Variants in MCF2L observed in about 807,000 individuals in gnomAD.
The protein encoded by MCF2L is MCF.2 cell line derived transforming sequence like, also known as guanine nucleotide exchange factor DBS.
MCF2L carries 97 observed loss-of-function variants against 153.4 expected under a neutral mutation model. That is an observed-to-expected ratio of 0.63 (90% CI 0.54 to 0.75). The LOEUF (loss-of-function observed/expected upper bound fraction) is 0.75, where lower values mean the gene tolerates loss of function less well. MCF2L is among the 30% of genes least tolerant of loss of function. MCF2L has a pLI of 0.00. For synonymous variants in MCF2L, 659 were observed against 632.2 expected (o/e 1.04, Z -0.64); for missense variants, 1,347 against 1,495.2 (o/e 0.90, Z 1.64).
intron 20 of MCF2L, among the ~76,000 whole-genome samples, chr13:113,085,656 G>T (rs201653183): frequency 1.3e-5 from 2 of 150,000 alleles, no homozygotes; most frequent in African/African-American, 2.4e-5. Context: ...TGGCATCAGG[G>T]TGGCAGGAGG....
intron 2 of MCF2L, among the ~76,000 whole-genome samples, chr13:112,913,488 G>A (rs1390675792): frequency 6.6e-6 from 1 of 152,178 alleles, no homozygotes; most frequent in Non-Finnish European, 1.5e-5. Context: ...TCTTCTCGGG[G>A]ACAAATGTGA....
intron 1 of MCF2L, among the ~76,000 whole-genome samples, chr13:112,896,567 A>G (rs1390848521): frequency 6.6e-6 from 1 of 151,892 alleles, no homozygotes; most frequent in Non-Finnish European, 1.5e-5. Flanking sequence ...ACTGGCCAGG[A>G]ACGCCACCGG....
chr13:113,076,059 G>A lies in MCF2L; in HGVS notation c.1402G>A (p.Glu468Lys). The A allele has an allele frequency of 6.2e-7, 1 of 1,614,082 alleles. No individual in the cohort carries two copies. The highest frequency in any genetic ancestry group is 8.5e-7 in the Non-Finnish European group (1 of 1,180,010). Reference sequence around the variant, plus strand: ...GGACGGCGCGGAGGCTGCCCTCCAGGAAATCGAGAAGTTTTTGGAGACCGG... The same window carrying A: ...GGACGGCGCGGAGGCTGCCCTCCAGAAAATCGAGAAGTTTTTGGAGACCGG... ...SQDGAEAALQEIEKFLETGAE... is the reference protein window; with the variant it reads ...SQDGAEAALQKIEKFLETGAE... The change falls in exon 12 of 30, where the codon GAA becomes AAA. Residue 468 changes from glutamate (E) to lysine (K), a missense_variant. Coordinates refer to ENST00000535094, the MANE Select transcript of MCF2L (RefSeq NM_001112732.3).
At chr13:113,063,087 A>G (rs976007306) in intron 5 of MCF2L, among the ~76,000 whole-genome samples, 5 of 152,236 alleles carry the variant, frequency 3.3e-5, no homozygotes, top group Non-Finnish European at 7.3e-5. Context: ...GTCCTTGGCC[A>G]TCACAGGCCG....
At position 113,096,392 on chromosome 13, in the gene MCF2L, G is replaced by A. The variant is rs367714228; in HGVS notation, c.3097G>A (p.Val1033Met). The A allele has an allele frequency of 3.0e-4, 474 of 1,587,454 alleles. 1 individual carries two copies. Among genetic ancestry groups the A allele is most frequent in the Non-Finnish European group, 3.6e-4 (426 of 1,168,174 alleles). The change falls in exon 28 of 30, where the codon GTG becomes ATG. Residue 1033 changes from valine to methionine, a missense_variant. Coordinates refer to ENST00000535094, the MANE Select transcript of MCF2L (RefSeq NM_001112732.3). Reference sequence around the variant, plus strand: ...CCAGGTTCCAGGTAAATACACGGTCGTGGCGGACCACGAGAAGGGAGGCCC... The same window carrying A: ...CCAGGTTCCAGGTAAATACACGGTCATGGCGGACCACGAGAAGGGAGGCCC... ...KKLVPGKYTV[V>M]ADHEKGGPDA...
Position 113,086,118 on chromosome 13 carries a change from C to T in MCF2L, c.2248-6C>T. The T allele has an allele frequency of 6.2e-7, 1 of 1,604,728 alleles. No individual in the cohort carries two copies. The highest frequency in any genetic ancestry group is 8.5e-7 in the Non-Finnish European group (1 of 1,175,662). ...CGACGCGGTTGCCTCACCCCATGCC[C>T]CTCAGGAAATGCTGAAATACAGCAG... On this transcript the variant is annotated splice_region_variant and splice_polypyrimidine_tract_variant and intron_variant, in intron 20 of 29. Transcript: ENST00000535094.
intron 1 of MCF2L, among the ~76,000 whole-genome samples, chr13:112,981,328 G>A (rs998056522): frequency 1.3e-5 from 2 of 152,198 alleles, no homozygotes; most frequent in Non-Finnish European, 2.9e-5. Flanking sequence ...ACTTGTCCCT[G>A]TAACTCTCAC....
intron 1 of MCF2L, among the ~76,000 whole-genome samples, chr13:112,986,631 C>T (rs1011324058): frequency 3.9e-5 from 6 of 152,236 alleles, no homozygotes; most frequent in Non-Finnish European, 7.3e-5. Flanking sequence ...GCAAGAGCCA[C>T]GCAAACCTCT....
intron 1 of MCF2L, among the ~76,000 whole-genome samples, chr13:112,896,465 T>TCCCC (rs771438632): frequency 1.3e-5 from 2 of 151,516 alleles, no homozygotes; most frequent in African/African-American, 4.9e-5. Flanking sequence ...AGGCCCCCCC[T>TCCCC]GTCTTTACAG....
intron 7 of MCF2L, 147 bp downstream of exon 7, chr13:113,065,232 T>C: frequency 1.1e-6 from 1 of 897,604 alleles, no homozygotes; most frequent in Non-Finnish European, 1.7e-6. Context: ...TCAGCAGGCT[T>C]GAGATGCCTT....
rs778754914 is a variant in MCF2L, at chr13:112,902,235, G to A, written c.33G>A (p.Lys11=). Reference sequence around the variant, plus strand: ...ACTGTTGGAGATTTATCCTGTGCAAGAGACCTGGAAGCAACAGTTATTCTT... The same window carrying A: ...ACTGTTGGAGATTTATCCTGTGCAAAAGACCTGGAAGCAACAGTTATTCTT... The change falls in exon 2 of 30, where the codon AAG becomes AAA. Residue 11 remains lysine, a synonymous_variant. Coordinates refer to the MCF2L transcript ENST00000375608. The A allele has an allele frequency of 1.3e-4, 208 of 1,612,738 alleles. 1 individual carries two copies. Among genetic ancestry groups the A allele is most frequent in the Non-Finnish European group, 1.6e-4 (191 of 1,179,898 alleles).
chr13:113,088,242 C>T (rs746225784), intron 23 of MCF2L, 85 bp from the exon 24 acceptor site: 167 of 1,169,378 alleles, frequency 1.4e-4, no homozygotes, highest in Non-Finnish European at 1.5e-4. Flanking sequence ...CTAAGATTAT[C>T]TTTGGATGTT....
chr13:112,995,850 G>T (rs546191011), intron 1 of MCF2L, among the ~76,000 whole-genome samples: 12 of 152,288 alleles, frequency 7.9e-5, no homozygotes, highest in African/African-American at 2.9e-4. Context: ...CCGGAAGTCC[G>T]TTCAGTCCTG....
Position 113,096,654 on chromosome 13 carries a change from GTA to G in MCF2L, c.3292+2_3292+3del. ...TCGGCCCAGTGCCTGAGCAGCTCAG[GTA>G]AGGCCCACGTGCCCCGAGCCCACCC... is the stretch of plus-strand genomic sequence containing the variant. On this transcript the variant is annotated splice_donor_variant and splice_donor_region_variant and intron_variant, in intron 29 of 29. Coordinates refer to ENST00000535094, the MANE Select transcript of MCF2L (RefSeq NM_001112732.3). LOFTEE classifies it high-confidence loss of function. 6.3e-7 allele frequency: 1 copy of G among 1,584,786 alleles called. No individual in the cohort carries two copies. Among genetic ancestry groups the G allele is most frequent in the Non-Finnish European group, 8.5e-7 (1 of 1,172,230 alleles).
At chr13:113,086,353 T>C in intron 21 of MCF2L, 104 bp downstream of exon 21, 1 of 1,515,898 alleles carries the variant, frequency 6.6e-7, no homozygotes, top group East Asian at 2.4e-5. Context: ...GGTGTGAATG[T>C]GCAGGTTCTG....
In MCF2L at chr13:113,096,337, G is replaced by A. The variant is rs1566892671; in HGVS notation, c.3076-34G>A. ...TGGGGCTGCTGCCGGGGCGGGTGCTGACGCTGTCTGTGCCCCTGCCCGTCT... is the reference window on the plus strand; with the variant it reads ...TGGGGCTGCTGCCGGGGCGGGTGCTAACGCTGTCTGTGCCCCTGCCCGTCT... On this transcript the variant is annotated intron_variant, in intron 27 of 29. Transcript: ENST00000535094. The A allele has an allele frequency of 2.0e-6, 3 of 1,487,508 alleles. 1 individual carries two copies. Among genetic ancestry groups the A allele is most frequent in the East Asian group, 4.9e-5 (2 of 40,628 alleles). The allele number at this position is 1,487,508 out of a possible 1,614,324, so 92.1% of individuals were successfully genotyped here.
intron 2 of MCF2L, among the ~76,000 whole-genome samples, chr13:112,924,023 G>A (rs952709382): frequency 1.5e-4 from 23 of 152,082 alleles, no homozygotes; most frequent in African/African-American, 3.1e-4. Context: ...TTCCCAGAGC[G>A]TCCTATCAGG....
intron 4 of MCF2L, among the ~76,000 whole-genome samples, chr13:113,058,375 G>GTGTGTT: frequency 6.8e-6 from 1 of 146,848 alleles, no homozygotes; most frequent in Non-Finnish European, 1.5e-5. Flanking sequence ...TGGGCGCTAA[G>GTGTGTT]TGGGTGCTGA....
Position 113,054,077 on chromosome 13 carries a change from G to A in MCF2L, c.370-6516G>A, listed in dbSNP as rs2087558447. On this transcript the variant is annotated intron_variant, in intron 4 of 29. Coordinates refer to ENST00000535094, the MANE Select transcript of MCF2L (RefSeq NM_001112732.3). This position sits in a 1 kb window ranked among gnomAD's most constrained non-coding sequence, Gnocchi z 5.2. The stretch of plus-strand genomic sequence containing the variant: ...TGGGGCTTGGCTTGAGCTGCGGGGT[G>A]AGTGTGGGAGAGACGGCGAGCTCCC... 6.6e-6 allele frequency among the ~76,000 whole-genome samples: 1 copy of A among 152,156 alleles called. No homozygotes were observed. The highest frequency in any genetic ancestry group is 2.4e-5 in the African/African-American group (1 of 41,422).
Sources: gnomAD v4.1 joint callset for allele counts (sites outside exome capture counted in the v4.1 genomes callset) on GRCh38, gnomAD v4.1.1 for gene constraint, Gnocchi (gnomAD v3.1) non-coding constraint, MANE v1.5 for transcripts, NCBI Gene and HGNC (gene_info 2026-07-23, HGNC 2026-07-21) for gene names.